Variants in RORA observed in about 807,000 individuals in gnomAD.
RORA encodes the protein nuclear receptor ROR-alpha.
A neutral mutation model predicts 69.5 loss-of-function variants in RORA; 7 were observed. The observed-to-expected ratio is 0.10, with a 90% confidence interval of 0.06 to 0.19. RORA has a LOEUF of 0.19. Among genes scored for constraint, RORA ranks in the 10% least tolerant of loss-of-function variants. The pLI is 1.00. For synonymous variants in RORA, 261 were observed against 240.8 expected (o/e 1.08, Z -0.78); for missense variants, 457 against 663.0 (o/e 0.69, Z 3.41).
Position 61,213,887 on chromosome 15 carries a change from T to C in RORA, c.166+15166A>G, listed in dbSNP as rs2080015001. 6.6e-6 allele frequency: 1 copy of C among 152,216 alleles called. No individual in the cohort carries two copies. Among genetic ancestry groups the C allele is most frequent in the African/African-American group, 2.4e-5 (1 of 41,460 alleles). The allele number at this position is 152,216 out of a possible 1,614,324, so 9.4% of individuals were successfully genotyped here. A position where few individuals can be genotyped will look rare whatever the true frequency, so the allele number is the denominator to read the frequency against. On this transcript the variant is annotated intron_variant, in intron 1 of 10. Transcript: ENST00000335670. This position sits in a 1 kb window ranked among gnomAD's most constrained non-coding sequence, Gnocchi z 4.1. ...GCGATATATTCTATTATACTGCCCT[T>C]AAACATTTGAAACTTTCGAGGAATA...
chr15:60,626,561 G>A (rs1171233417), intron 2 of RORA, among the ~76,000 whole-genome samples: 1 of 152,162 alleles, frequency 6.6e-6, no homozygotes, highest in East Asian at 1.9e-4. Flanking sequence ...TGCCCAGCAT[G>A]GTGCTCAGTG....
chr15:60,624,497 T>TATATATATATATATA (rs2069513435), intron 2 of RORA, among the ~76,000 whole-genome samples: 3 of 120,750 alleles, frequency 2.5e-5, no homozygotes, highest in African/African-American at 6.7e-5. Flanking sequence ...TATATATATA[T>TATATATATATATATA]TTGCTGTATG....
At chr15:61,093,986 A>T (rs1479175156) in intron 1 of RORA, among the ~76,000 whole-genome samples, 1 of 152,216 alleles carries the variant, frequency 6.6e-6, no homozygotes, top group Admixed American at 6.5e-5. Context: ...CCTTCAAGGC[A>T]CGTGATGGCC....
At chr15:60,525,731 G>A (rs892750610) in intron 3 of RORA, among the ~76,000 whole-genome samples, 1 of 152,164 alleles carries the variant, frequency 6.6e-6, no homozygotes, top group African/African-American at 2.4e-5. Flanking sequence ...GTGGGTGTAT[G>A]TCTACCTTTC....
At chr15:60,683,089 C>T (rs1210899338) in intron 1 of RORA, among the ~76,000 whole-genome samples, 1 of 152,194 alleles carries the variant, frequency 6.6e-6, no homozygotes, top group East Asian at 1.9e-4. Flanking sequence ...TAGCTCGCTG[C>T]AGCCTTGACC....
At chr15:61,181,096 T>A (rs528071074) in intron 1 of RORA, among the ~76,000 whole-genome samples, 29 of 133,718 alleles carry the variant, frequency 2.2e-4, no homozygotes, top group Admixed American at 2.0e-3. Context: ...AGAGCGAGAT[T>A]CCATCTCAAA....
intron 1 of RORA, among the ~76,000 whole-genome samples, chr15:61,054,922 C>T (rs2078072782): frequency 6.6e-6 from 1 of 151,504 alleles, no homozygotes; most frequent in Non-Finnish European, 1.5e-5. Context: ...GTGTAGCTTC[C>T]ACCTCCTGAG....
At chr15:60,685,082 G>A (rs1311877631) in intron 1 of RORA, among the ~76,000 whole-genome samples, 1 of 152,150 alleles carries the variant, frequency 6.6e-6, no homozygotes, top group East Asian at 1.9e-4. Flanking sequence ...TACACCTTGT[G>A]AATCCACTTT....
intron 1 of RORA, among the ~76,000 whole-genome samples, chr15:61,193,335 C>T (rs776033512): frequency 1.4e-4 from 22 of 152,204 alleles, no homozygotes; most frequent in Non-Finnish European, 2.5e-4. Flanking sequence ...TACATCCCAG[C>T]CCTGCACAAA....
At chr15:61,134,283 A>T (rs1281468984) in intron 1 of RORA, among the ~76,000 whole-genome samples, 1 of 152,172 alleles carries the variant, frequency 6.6e-6, no homozygotes, top group Non-Finnish European at 1.5e-5. Context: ...TTTCCTCATC[A>T]GTTTGATTTT....
intron 1 of RORA, among the ~76,000 whole-genome samples, chr15:60,813,585 C>T (rs1469039141): frequency 6.6e-6 from 1 of 152,162 alleles, no homozygotes; most frequent in Non-Finnish European, 1.5e-5. Flanking sequence ...AACCTTTGCC[C>T]ATCTTCCCAT....
At chr15:61,043,198 T>C (rs1896866076) in intron 1 of RORA, among the ~76,000 whole-genome samples, 1 of 152,196 alleles carries the variant, frequency 6.6e-6, no homozygotes, top group Non-Finnish European at 1.5e-5. Context: ...AGGGCAAACA[T>C]TCTGCCCCAC....
Position 60,534,056 on chromosome 15 carries a change from A to G in RORA, c.197-2205T>C, listed in dbSNP as rs545466913. On this transcript the variant is annotated intron_variant, in intron 2 of 10. Coordinates refer to ENST00000335670, the MANE Select transcript of RORA (RefSeq NM_134261.3). This position sits in a 1 kb window ranked among gnomAD's most constrained non-coding sequence, Gnocchi z 5.0. ...CCCTGGGCAGGGCATATTGAGAACA[A>G]TGAGTAGAACTGCATCTGGACAAAC... 6.6e-6 allele frequency among the ~76,000 whole-genome samples: 1 copy of G among 152,314 alleles called. No individual in the cohort carries two copies. The highest frequency in any genetic ancestry group is 2.4e-5 in the African/African-American group (1 of 41,562).
chr15:60,826,766 CCTCTCTCT>C (rs572975247), intron 1 of RORA, among the ~76,000 whole-genome samples: 36 of 126,100 alleles, frequency 2.9e-4, no homozygotes, highest in South Asian at 7.4e-4. Flanking sequence ...TCTCTCTCTC[CCTCTCTCT>C]CTCTCTCTCT....
intron 1 of RORA, among the ~76,000 whole-genome samples, chr15:61,181,053 G>A (rs1304773127): frequency 6.8e-6 from 1 of 146,910 alleles, no homozygotes; most frequent in Non-Finnish European, 1.5e-5. Context: ...GCAGTAAGCC[G>A]AGATCATGCC....
chr15:60,754,369 G>A (rs1445057069), intron 1 of RORA, among the ~76,000 whole-genome samples: 3 of 152,118 alleles, frequency 2.0e-5, no homozygotes, highest in Non-Finnish European at 4.4e-5. Flanking sequence ...CCAAAGTTGG[G>A]ATTACTCCAG....
chr15:60,515,058 G>A (rs2065819605), intron 3 of RORA, among the ~76,000 whole-genome samples: 1 of 152,170 alleles, frequency 6.6e-6, no homozygotes, highest in Admixed American at 6.5e-5. Context: ...ATGATCAAAA[G>A]CAATGTGCCT....
chr15:61,049,429 T>C (rs941619517), intron 1 of RORA, among the ~76,000 whole-genome samples: 2 of 152,140 alleles, frequency 1.3e-5, no homozygotes, highest in African/African-American at 4.8e-5. Context: ...CAAGTCCATG[T>C]CCTCAAACGA....
chr15:60,871,604 C>T (rs2073556873), intron 1 of RORA, among the ~76,000 whole-genome samples: 1 of 152,192 alleles, frequency 6.6e-6, no homozygotes, highest in Non-Finnish European at 1.5e-5. Flanking sequence ...AATATTGCCC[C>T]TATATTCCAA....
Sources: allele counts gnomAD v4.1 joint callset (sites outside exome capture counted in the v4.1 genomes callset), GRCh38; gene constraint gnomAD v4.1.1; non-coding constraint Gnocchi (gnomAD v3.1); transcripts MANE v1.5; gene names NCBI Gene and HGNC (gene_info 2026-07-23, HGNC 2026-07-21).